LOC400499: variants seen among roughly 807,000 people sequenced by gnomAD.
the LOC400499 span, among the ~76,000 whole-genome samples, chr16:11,382,247 G>A: frequency 1.2e-4 from 19 of 152,272 alleles, no homozygotes; most frequent in Admixed American, 5.9e-4. Context: ...ATTTCTTTTA[G>A]ACATGTTGGA....
At chr16:11,480,356 G>A in the LOC400499 span, among the ~76,000 whole-genome samples, 1 of 152,162 alleles carries the variant, frequency 6.6e-6, no homozygotes, top group South Asian at 2.1e-4. Context: ...AAGGATTATT[G>A]CCCTGCTCAT....
chr16:11,393,580 G>T, the LOC400499 span: 2 of 1,232,178 alleles, frequency 1.6e-6, no homozygotes, highest in Non-Finnish European at 2.0e-6. Flanking sequence ...GAAGGCAGAG[G>T]CCTGAGTGGA....
At chr16:11,454,698 G>A in the LOC400499 span, among the ~76,000 whole-genome samples, 1 of 152,190 alleles carries the variant, frequency 6.6e-6, no homozygotes, top group Non-Finnish European at 1.5e-5. Flanking sequence ...ACAAATTTCT[G>A]TTGCTTTAAG....
At chr16:11,504,531 G>C in the LOC400499 span, among the ~76,000 whole-genome samples, 20 of 151,936 alleles carry the variant, frequency 1.3e-4, no homozygotes, top group Non-Finnish European at 2.8e-4. Context: ...TTTCCAGCCT[G>C]AGCAACAGAG....
chr16:11,436,732 T>G, the LOC400499 span, among the ~76,000 whole-genome samples: 2 of 151,914 alleles, frequency 1.3e-5, no homozygotes, highest in Non-Finnish European at 1.5e-5. Flanking sequence ...GAAATACAAG[T>G]GCCCGCCACC....
the LOC400499 span, chr16:11,472,277 C>T: frequency 6.6e-6 from 1 of 152,098 alleles, no homozygotes; most frequent in African/African-American, 2.4e-5. Flanking sequence ...ACTGCAACCT[C>T]TGCCTCCCAG....
the LOC400499 span, chr16:11,396,386 G>C: frequency 1.1e-6 from 1 of 937,112 alleles, no homozygotes; most frequent in Non-Finnish European, 1.4e-6. Flanking sequence ...CTGGTTTGCA[G>C]TTCCTCAGAT....
the LOC400499 span, chr16:11,446,747 C>CGA: frequency 6.5e-7 from 1 of 1,535,654 alleles, no homozygotes; most frequent in East Asian, 2.4e-5. Context: ...GACACACTCA[C>CGA]GTAGGGGTGT....
chr16:11,385,355 G>A, the LOC400499 span: 3 of 1,232,304 alleles, frequency 2.4e-6, no homozygotes, highest in Non-Finnish European at 3.0e-6. Flanking sequence ...ACTGGGTGCT[G>A]AGGTCCCATA....
the LOC400499 span, among the ~76,000 whole-genome samples, chr16:11,397,638 C>G: frequency 6.6e-6 from 1 of 151,948 alleles, no homozygotes; most frequent in South Asian, 2.1e-4. Context: ...GCTGCTTTCA[C>G]AAGACAGTGG....
the LOC400499 span, among the ~76,000 whole-genome samples, chr16:11,377,162 C>T: frequency 6.6e-6 from 1 of 152,128 alleles, no homozygotes; most frequent in Admixed American, 6.6e-5. Flanking sequence ...TGACTGTTAG[C>T]ATGTAGAAAT....
At chr16:11,462,377 C>G in the LOC400499 span, 1 of 1,396,278 alleles carries the variant, frequency 7.2e-7, no homozygotes, top group Admixed American at 3.3e-5. Context: ...CGAACTGGGA[C>G]CAGACAGGGC....
the LOC400499 span, among the ~76,000 whole-genome samples, chr16:11,389,685 C>CAAAAAA: frequency 1.7e-5 from 1 of 59,048 alleles, no homozygotes; most frequent in Non-Finnish European, 2.9e-5. Context: ...AACTCCATCT[C>CAAAAAA]AAAAAAAAAA....
chr16:11,402,596 T>C, the LOC400499 span, among the ~76,000 whole-genome samples: 1 of 152,170 alleles, frequency 6.6e-6, no homozygotes, highest in Non-Finnish European at 1.5e-5. Flanking sequence ...TGGTGCCACG[T>C]GGGGTTGGGG....
the LOC400499 span, chr16:11,412,908 G>C: frequency 0.4 from 160,606 of 398,940 alleles, 33,717 homozygotes; most frequent in Non-Finnish European, 0.45. Context: ...GTCAGCTGCA[G>C]TGAGGAGCTC....
the LOC400499 span, chr16:11,477,990 T>G: frequency 2.5e-6 from 1 of 398,706 alleles, no homozygotes; most frequent in South Asian, 1.3e-4. Context: ...CTCCGGTTCA[T>G]CTGCACCTCC....
the LOC400499 span, among the ~76,000 whole-genome samples, chr16:11,451,621 G>A: frequency 1.0e-3 from 152 of 152,270 alleles, no homozygotes; most frequent in African/African-American, 3.5e-3. Flanking sequence ...GCTGAGGGCT[G>A]TGAAGAAAAA....
At chr16:11,523,012 T>C in the LOC400499 span, among the ~76,000 whole-genome samples, 1 of 152,220 alleles carries the variant, frequency 6.6e-6, no homozygotes. Flanking sequence ...CATTTTCATG[T>C]CAATTTCCTT....
At chr16:11,513,113 C>T in the LOC400499 span, among the ~76,000 whole-genome samples, 89,564 of 151,790 alleles carry the variant, frequency 0.59, 26,855 homozygotes, top group Admixed American at 0.66. Flanking sequence ...AAAATTTAAT[C>T]GGCGGGGTTC....
Sources: allele counts gnomAD v4.1 joint callset (sites outside exome capture counted in the v4.1 genomes callset), GRCh38; gene constraint gnomAD v4.1.1; transcripts MANE v1.5.